ALK: variants seen among roughly 807,000 people sequenced by gnomAD.
ALK encodes the protein ALK receptor tyrosine kinase, also known as ALK tyrosine kinase receptor.
Under a neutral mutation model 163.1 loss-of-function variants are expected in ALK, and 74 were observed. The ratio of observed to expected loss-of-function variants is 0.45; its 90% CI spans 0.38 to 0.55. ALK has a LOEUF of 0.55. Ranked by LOEUF, ALK falls within the 20% of genes least tolerant of loss-of-function variation. The pLI is 0.00. For missense variants in ALK, 2,063 were observed against 2,105.3 expected (o/e 0.98, Z 0.39); for synonymous variants, 960 against 843.2 (o/e 1.14, Z -2.40).
At chr2:29,700,892 C>T (rs1285430812) in intron 2 of ALK, among the ~76,000 whole-genome samples, 1 of 152,204 alleles carries the variant, frequency 6.6e-6, no homozygotes, top group Non-Finnish European at 1.5e-5. Context: ...ACCTTGAACA[C>T]TCTGAACCTG....
intron 1 of ALK, among the ~76,000 whole-genome samples, chr2:29,752,259 C>T (rs1313554347): frequency 1.3e-5 from 2 of 151,860 alleles, no homozygotes; most frequent in Admixed American, 6.6e-5. Flanking sequence ...GTAAGTGTTC[C>T]GAGCACGTTT....
chr2:29,308,324 T>A (rs1173651862), intron 8 of ALK, among the ~76,000 whole-genome samples: 1 of 149,182 alleles, frequency 6.7e-6, no homozygotes, highest in Non-Finnish European at 1.5e-5. Flanking sequence ...GGGGGTAAGA[T>A]TTTGGGCAAT....
chr2:29,639,054 A>G lies in ALK; in HGVS notation c.952+55796T>C, dbSNP rs191591324. On this transcript the variant is annotated intron_variant, in intron 3 of 28. Coordinates refer to ENST00000389048, the MANE Select transcript of ALK (RefSeq NM_004304.5). Reference sequence around the variant, plus strand: ...GTAAGGAGAATTAGAAAGTAGCTGAAATTATAGTCTTAGCTAAGAAAACAC... The same window carrying G: ...GTAAGGAGAATTAGAAAGTAGCTGAGATTATAGTCTTAGCTAAGAAAACAC... 2.4e-3 allele frequency among the ~76,000 whole-genome samples: 369 copies of G among 152,324 alleles called. 6 individuals carry two copies. Among genetic ancestry groups the G allele is most frequent in the South Asian group, 0.011 (52 of 4,824 alleles).
At chr2:29,908,280 G>GCACACA (rs10607985) in intron 1 of ALK, among the ~76,000 whole-genome samples, 4 of 148,470 alleles carry the variant, frequency 2.7e-5, no homozygotes, top group African/African-American at 9.9e-5. Flanking sequence ...ACTCTCCAGA[G>GCACACA]CACACACACA....
At chr2:29,514,442 T>A (rs567580543) in intron 4 of ALK, among the ~76,000 whole-genome samples, 3 of 152,084 alleles carry the variant, frequency 2.0e-5, no homozygotes, top group Non-Finnish European at 2.9e-5. Context: ...TAGGTGGGAA[T>A]TGAACAATGA....
intron 3 of ALK, among the ~76,000 whole-genome samples, chr2:29,646,443 A>G (rs889751038): frequency 1.4e-4 from 21 of 152,144 alleles, no homozygotes; most frequent in African/African-American, 4.8e-4. Context: ...GGGTCCTTTT[A>G]AAACTTGCAT....
intron 3 of ALK, among the ~76,000 whole-genome samples, chr2:29,605,330 G>T (rs949716002): frequency 6.6e-6 from 1 of 152,188 alleles, no homozygotes; most frequent in Non-Finnish European, 1.5e-5. Flanking sequence ...GCTGCGGCCC[G>T]ATTCCTAACA....
At chr2:29,242,896 C>T (rs909661137) in intron 12 of ALK, among the ~76,000 whole-genome samples, 4 of 152,186 alleles carry the variant, frequency 2.6e-5, no homozygotes, top group Non-Finnish European at 4.4e-5. Context: ...TGGCCTCAGC[C>T]CCACATTTCC....
chr2:29,343,058 A>AT (rs1002331356), intron 5 of ALK, among the ~76,000 whole-genome samples: 35 of 145,796 alleles, frequency 2.4e-4, no homozygotes, highest in East Asian at 1.6e-3. Flanking sequence ...AATTTTTCTT[A>AT]TTTTTTTTTA....
At chr2:29,230,666 A>G (rs1378286139) in intron 15 of ALK, among the ~76,000 whole-genome samples, 5 of 152,240 alleles carry the variant, frequency 3.3e-5, no homozygotes, top group East Asian at 1.9e-4. Context: ...AGGCGAGGCC[A>G]TCAGGCAAGC....
chr2:29,544,958 A>G (rs1334707091), intron 3 of ALK, among the ~76,000 whole-genome samples: 1 of 152,188 alleles, frequency 6.6e-6, no homozygotes, highest in Non-Finnish European at 1.5e-5. Context: ...CTGCAATTAG[A>G]AGCAAGGTTT....
intron 11 of ALK, among the ~76,000 whole-genome samples, chr2:29,271,664 G>T (rs1665389531): frequency 6.6e-6 from 1 of 152,272 alleles, no homozygotes. Flanking sequence ...TGCAGAGGCA[G>T]AATGGCCCCA....
intron 1 of ALK, among the ~76,000 whole-genome samples, chr2:29,884,706 G>A (rs1009797238): frequency 9.9e-5 from 15 of 152,178 alleles, no homozygotes; most frequent in Admixed American, 9.2e-4. Flanking sequence ...TGTCAGCAAA[G>A]GATGGTTTGA....
intron 4 of ALK, among the ~76,000 whole-genome samples, chr2:29,441,571 G>C (rs1279767788): frequency 6.6e-6 from 1 of 152,146 alleles, no homozygotes; most frequent in East Asian, 1.9e-4. Flanking sequence ...TGGAGAAATG[G>C]CTATTTTTCA....
intron 1 of ALK, among the ~76,000 whole-genome samples, chr2:29,796,546 A>T (rs1233564935): frequency 6.6e-6 from 1 of 152,170 alleles, no homozygotes; most frequent in Non-Finnish European, 1.5e-5. Context: ...GAATGGATTC[A>T]TTTTATGTCA....
chr2:29,847,429 C>A (rs761948365), intron 1 of ALK, among the ~76,000 whole-genome samples: 1 of 152,126 alleles, frequency 6.6e-6, no homozygotes, highest in Non-Finnish European at 1.5e-5. Context: ...TTAATAAAAG[C>A]AACTTGCTGA....
At chr2:29,850,089 A>G (rs1665951047) in intron 1 of ALK, among the ~76,000 whole-genome samples, 1 of 152,230 alleles carries the variant, frequency 6.6e-6, no homozygotes. Context: ...CATTGACAGT[A>G]GAACAAGACA....
intron 1 of ALK, among the ~76,000 whole-genome samples, chr2:29,787,187 G>C (rs1025321419): frequency 1.3e-5 from 2 of 152,112 alleles, no homozygotes; most frequent in Non-Finnish European, 2.9e-5. Flanking sequence ...CATCAGGTTC[G>C]ATCTAACCCA....
intron 8 of ALK, among the ~76,000 whole-genome samples, chr2:29,304,317 G>A (rs1666445998): frequency 6.6e-6 from 1 of 152,048 alleles, no homozygotes; most frequent in Non-Finnish European, 1.5e-5. Context: ...TCAATATGGT[G>A]AAACCCTGTC....
Sources: allele counts gnomAD v4.1 joint callset (sites outside exome capture counted in the v4.1 genomes callset), GRCh38; gene constraint gnomAD v4.1.1; transcripts MANE v1.5; gene names NCBI Gene and HGNC (gene_info 2026-07-23, HGNC 2026-07-21).